Variants in ARV1 observed in about 807,000 individuals in gnomAD.
ARV1 encodes ARV1 fatty acid homeostasis modulator, also known as protein ARV1.
In ARV1, 26 loss-of-function variants were observed where a neutral mutation model predicts 31.1. That is an observed-to-expected ratio of 0.84 (90% CI 0.61 to 1.16). The LOEUF (loss-of-function observed/expected upper bound fraction) is 1.16, where lower values mean the gene tolerates loss of function less well. Among genes scored for constraint, ARV1 ranks in the 50% most tolerant of loss-of-function variants. The probability of loss-of-function intolerance (pLI) is 0.00; values close to 1 mark genes in which losing one functional copy is unlikely to be tolerated. For synonymous variants in ARV1, 117 were observed against 123.2 expected, an observed-to-expected ratio of 0.95 and a Z score of 0.34; for missense variants, 281 against 324.9, an observed-to-expected ratio of 0.86 and a Z score of 1.04.
chr1:230,984,357 T>TGTGTGTGTGTGTGC (rs1382451140), intron 1 of ARV1, among the ~76,000 whole-genome samples: 2 of 62,066 alleles, frequency 3.2e-5, no homozygotes, highest in Non-Finnish European at 6.8e-5. Context: ...TGTGTGTGTG[T>TGTGTGTGTGTGTGC]GTGTGCGTGT....
chr1:230,996,981 A>G lies in ARV1; in HGVS notation c.674-140A>G. ...AAATGTGTAGATGGAAAAGTGGGAG[A>G]AGGTAACAGCATAGATTAATAAGAA... On this transcript the variant is annotated intron_variant, in intron 4 of 5. Coordinates refer to ENST00000310256, the MANE Select transcript of ARV1 (RefSeq NM_022786.3). 4.2e-6 allele frequency: 4 copies of G among 947,994 alleles called. No individual in the cohort carries two copies. The South Asian group carries it at 6.6e-5, about 16-fold the overall frequency. 58.7% of individuals were successfully genotyped at this position (947,994 alleles called of 1,614,324 possible). A position where few individuals can be genotyped will look rare whatever the true frequency, so the allele number is the denominator to read the frequency against.
Position 230,995,943 on chromosome 1 carries a change from TTAAAG to T in ARV1, c.635_639del (p.Lys212IlefsTer11). On this transcript the variant is annotated frameshift_variant, in exon 4 of 6. Transcript: ENST00000310256. LOFTEE classifies it high-confidence loss of function. Reference sequence around the variant, plus strand: ...TACACATCTGTGTGCCTCAAACTCATTAAAGTATTTGTTCTTACATCAAATTTTCA... The same window carrying T: ...TACACATCTGTGTGCCTCAAACTCATTATTTGTTCTTACATCAAATTTTCA... 1.2e-6 allele frequency: 2 copies of T among 1,614,054 alleles called. No homozygotes were observed. Among genetic ancestry groups the T allele is most frequent in the Non-Finnish European group, 1.7e-6 (2 of 1,179,994 alleles).
intron 3 of ARV1, chr1:230,990,720 A>G (rs1432203994): frequency 8.5e-6 from 2 of 236,230 alleles, no homozygotes; most frequent in Non-Finnish European, 1.8e-5. Flanking sequence ...CACACCATGC[A>G]CCACCTCCAG....
chr1:230,987,126 A>G (rs1315039661), intron 1 of ARV1, among the ~76,000 whole-genome samples: 2 of 152,172 alleles, frequency 1.3e-5, no homozygotes, highest in Non-Finnish European at 2.9e-5. Flanking sequence ...GACTTGAACC[A>G]CAAGCACTGC....
rs1558242688 is a variant in ARV1 at position 230,986,666 on chromosome 1, C to CTTTTTTTTTTTTTTTTTTTTTTTTTTTTT, written c.175-1653_175-1652insTTTTTTTTTTTTTTTTTTTTTTTTTTTTT. 3.8e-5 allele frequency among the ~76,000 whole-genome samples: 3 copies of CTTTTTTTTTTTTTTTTTTTTTTTTTTTTT among 79,690 alleles called. 1 individual carries two copies. The highest frequency in any genetic ancestry group is 1.7e-4 in the Admixed American group (1 of 5,964). 52.3% of individuals were successfully genotyped at this position (79,690 alleles called of 152,430 possible). A position where few individuals can be genotyped will look rare whatever the true frequency, so the allele number is the denominator to read the frequency against. On this transcript the variant is annotated intron_variant, in intron 1 of 5. Coordinates refer to ENST00000310256, the MANE Select transcript of ARV1 (RefSeq NM_022786.3). ...TCCACCCACAAATGTAATACTTTTC[C>CTTTTTTTTTTTTTTTTTTTTTTTTTTTTT]TATTTTTTTTTTTTTTTTTTTTTTT...
chr1:230,991,762 G>A (rs988420927), intron 3 of ARV1, among the ~76,000 whole-genome samples: 3 of 151,886 alleles, frequency 2.0e-5, no homozygotes, highest in Admixed American at 6.6e-5. Context: ...CTCCCGAGTA[G>A]CTGGGATTAC....
In ARV1 at chr1:230,979,508, CGACA is replaced by C. The variant is rs141459321; in HGVS notation, c.174+236_174+239del. ...ACCTAAGCCGGCGAACGGACCGGAC[CGACA>C]GACAGAGGTAGATGTGGGCATTTTG... On this transcript the variant is annotated intron_variant, in intron 1 of 5. Transcript: ENST00000310256. 924 of 513,976 alleles carry C rather than the reference CGACA, an allele frequency of 1.8e-3. 6 individuals are homozygous for C. Among genetic ancestry groups the C allele is most frequent in the African/African-American group, 0.017 (836 of 49,532 alleles). 31.8% of individuals were successfully genotyped at this position (513,976 alleles called of 1,614,324 possible).
At chr1:230,984,750 A>G (rs1679015656) in intron 1 of ARV1, among the ~76,000 whole-genome samples, 1 of 152,240 alleles carries the variant, frequency 6.6e-6, no homozygotes, top group South Asian at 2.1e-4. Context: ...AACTTAAAAG[A>G]CAAATGGTTA....
rs139038757 is a variant in ARV1 at position 230,986,366 on chromosome 1, ACATTTGAATTG to A, written c.175-1951_175-1941del. On this transcript the variant is annotated intron_variant, in intron 1 of 5. Transcript: ENST00000310256. ...TTGGGAACACATCCAATGTTTTATTACATTTGAATTGCAGGGTCGGTATTCTTCAGTGCCCT... is the reference window on the plus strand; with the variant it reads ...TTGGGAACACATCCAATGTTTTATTACAGGGTCGGTATTCTTCAGTGCCCT... Among the ~76,000 whole-genome samples the A allele has an allele frequency of 4.9e-3, 750 of 152,312 alleles. 6 individuals carry two copies. Among genetic ancestry groups the A allele is most frequent in the African/African-American group, 0.017 (703 of 41,560 alleles).
chr1:230,980,707 T>C (rs1336804922), intron 1 of ARV1, among the ~76,000 whole-genome samples: 1 of 151,604 alleles, frequency 6.6e-6, no homozygotes, highest in Non-Finnish European at 1.5e-5. Flanking sequence ...TGTACTGTCT[T>C]CTTCTGCCTT....
intron 3 of ARV1, chr1:230,990,607 T>G (rs1389580447): frequency 3.2e-6 from 1 of 313,098 alleles, no homozygotes; most frequent in East Asian, 1.3e-4. Flanking sequence ...TAGGCTGGAG[T>G]GCAGTGGCAC....
chr1:230,989,592 C>T (rs1679174668), intron 2 of ARV1, among the ~76,000 whole-genome samples: 2 of 152,144 alleles, frequency 1.3e-5, no homozygotes, highest in African/African-American at 2.4e-5. Flanking sequence ...TTGAGTCATA[C>T]TCATCCAGCT....
intron 3 of ARV1, among the ~76,000 whole-genome samples, chr1:230,991,308 C>T (rs1679220734): frequency 6.6e-6 from 1 of 152,134 alleles, no homozygotes; most frequent in Non-Finnish European, 1.5e-5. Flanking sequence ...CTTTTTTTCT[C>T]TGTCTGCTCT....
intron 1 of ARV1, among the ~76,000 whole-genome samples, chr1:230,981,875 T>G (rs1273573951): frequency 3.3e-5 from 5 of 152,196 alleles, no homozygotes; most frequent in African/African-American, 9.7e-5. Context: ...TCAAGGCCTT[T>G]GCACAATGCC....
chr1:230,986,258 G>A (rs983018344), intron 1 of ARV1, among the ~76,000 whole-genome samples: 26 of 151,996 alleles, frequency 1.7e-4, no homozygotes, highest in African/African-American at 5.6e-4. Flanking sequence ...GTAACAGCAC[G>A]TCTCCCTTCA....
chr1:230,994,088 A>T (rs1048546992), intron 3 of ARV1, among the ~76,000 whole-genome samples: 1 of 150,204 alleles, frequency 6.7e-6, no homozygotes, highest in Admixed American at 6.7e-5. Flanking sequence ...GAAACTGAGG[A>T]AAGTCTCCCG....
At chr1:230,983,497 T>C (rs2103043407) in intron 1 of ARV1, among the ~76,000 whole-genome samples, 1 of 152,300 alleles carries the variant, frequency 6.6e-6, no homozygotes, top group East Asian at 1.9e-4. Flanking sequence ...TTCATTATTA[T>C]GTTAACAAAA....
At chr1:230,992,346 C>G (rs1679252037) in intron 3 of ARV1, among the ~76,000 whole-genome samples, 1 of 152,042 alleles carries the variant, frequency 6.6e-6, no homozygotes, top group Admixed American at 6.6e-5. Context: ...ATGCCTGTCC[C>G]CCTGATGCCC....
At chr1:230,990,763 G>T (rs1011791249) in intron 3 of ARV1, 2 of 181,656 alleles carry the variant, frequency 1.1e-5, no homozygotes, top group Non-Finnish European at 2.4e-5. Flanking sequence ...GAGATGGGGG[G>T]TCTTTCCGTG....
Sources: gnomAD v4.1 joint callset for allele counts (sites outside exome capture counted in the v4.1 genomes callset) on GRCh38, gnomAD v4.1.1 for gene constraint, MANE v1.5 for transcripts, NCBI Gene and HGNC (gene_info 2026-07-23, HGNC 2026-07-21) for gene names.